SMIM19: variants seen among roughly 807,000 people sequenced by gnomAD.
SMIM19 encodes UPF0697 protein C8orf40.
SMIM19 carries 6 observed loss-of-function variants against 13.2 expected under a neutral mutation model. The ratio of observed to expected loss-of-function variants is 0.45; its 90% CI spans 0.25 to 0.90. SMIM19 has a LOEUF of 0.90. Ranked by LOEUF, SMIM19 falls within the 40% of genes least tolerant of loss-of-function variation. SMIM19 has a pLI of 0.19. For synonymous variants in SMIM19, 46 were observed against 43.1 expected (o/e 1.07, Z -0.27); for missense variants, 138 against 131.0 (o/e 1.05, Z -0.26).
In SMIM19 at chr8:42,546,626, G is replaced by A; in HGVS notation, c.134+20G>A. 1 of 1,598,324 alleles carries A rather than the reference G, an allele frequency of 6.3e-7. No homozygotes were observed. The highest frequency in any genetic ancestry group is 8.5e-7 in the Non-Finnish European group (1 of 1,175,728). On this transcript the variant is annotated intron_variant, in intron 2 of 3. Coordinates refer to ENST00000417410, the MANE Select transcript of SMIM19 (RefSeq NM_001135674.2). ...CAAAAGGTAAATTTTTGTTTCTCAG[G>A]GTAGATAAAAACTGTGCATTTACAA... is the stretch of plus-strand genomic sequence containing the variant.
At chr8:42,544,336 G>A (rs577090260) in intron 1 of SMIM19, among the ~76,000 whole-genome samples, 10 of 151,818 alleles carry the variant, frequency 6.6e-5, no homozygotes, top group Non-Finnish European at 8.8e-5. Context: ...GTGTGAACCC[G>A]GGAGGCGGAG....
At chr8:42,551,327 A>C (rs1162945210) in intron 3 of SMIM19, among the ~76,000 whole-genome samples, 1 of 151,954 alleles carries the variant, frequency 6.6e-6, no homozygotes, top group Non-Finnish European at 1.5e-5. Flanking sequence ...AAAAAAAAAA[A>C]AACTTAGAAG....
Position 42,548,685 on chromosome 8 carries a change from G to T in SMIM19, c.164G>T (p.Ser55Ile). Reference protein sequence around the residue: ...RNKRRIMRIFSVPPTEETLSE... With the variant: ...RNKRRIMRIFIVPPTEETLSE... ...AAAAGGAGAATTATGAGGATATTCA[G>T]TGTGCCACCTACAGAGGAAACTTTG... The change falls in exon 3 of 4, where the codon AGT becomes ATT. Residue 55 changes from serine (S) to isoleucine (I), a missense_variant. Coordinates refer to ENST00000417410, the MANE Select transcript of SMIM19 (RefSeq NM_001135674.2). The T allele has an allele frequency of 6.2e-7, 1 of 1,613,858 alleles. No individual in the cohort carries two copies. Among genetic ancestry groups the T allele is most frequent in the Non-Finnish European group, 8.5e-7 (1 of 1,179,908 alleles).
intron 2 of SMIM19, 149 bp downstream of exon 2, chr8:42,546,755 T>G: frequency 1.1e-6 from 1 of 904,894 alleles, no homozygotes; most frequent in Non-Finnish European, 1.6e-6. Context: ...GAGGCCGAGG[T>G]GGGCAGATCA....
At chr8:42,546,925 G>T (rs1813511031) in intron 2 of SMIM19, among the ~76,000 whole-genome samples, 1 of 51,670 alleles carries the variant, frequency 1.9e-5, no homozygotes, top group East Asian at 4.2e-4. Flanking sequence ...GGAGGTTGCA[G>T]TGGTGTACTC....
intron 1 of SMIM19, among the ~76,000 whole-genome samples, chr8:42,544,359 C>G (rs1337452153): frequency 6.6e-6 from 1 of 150,378 alleles, no homozygotes; most frequent in East Asian, 2.0e-4. Context: ...TGCAGTGAGC[C>G]GAGATCGTGC....
chr8:42,552,692 C>CT lies in SMIM19; in HGVS notation c.*85dup. ...ATCATGAACAGCTTTAAAAACATTT[C>CT]TGTCTGCATAAAATTATTTTACTTG... On this transcript the variant is annotated 3_prime_UTR_variant, in exon 4 of 4. Coordinates refer to ENST00000417410, the MANE Select transcript of SMIM19 (RefSeq NM_001135674.2). 1 of 1,437,044 alleles carries CT rather than the reference C, an allele frequency of 7.0e-7. No homozygotes were observed. The highest frequency in any genetic ancestry group is 1.2e-5 in the South Asian group (1 of 83,590). 89.0% of individuals were successfully genotyped at this position (1,437,044 alleles called of 1,614,324 possible). A position where few individuals can be genotyped will look rare whatever the true frequency, so the allele number is the denominator to read the frequency against.
chr8:42,541,411 G>T (rs1813139942), upstream of SMIM19: 1 of 147,672 alleles, frequency 6.8e-6, no homozygotes, highest in Non-Finnish European at 1.5e-5. Context: ...CCCGGGCGGG[G>T]GTCGCGGCGC....
intron 1 of SMIM19, among the ~76,000 whole-genome samples, chr8:42,543,829 C>A (rs2131486671): frequency 6.6e-6 from 1 of 152,322 alleles, no homozygotes; most frequent in East Asian, 1.9e-4. Flanking sequence ...AACTCTCAAT[C>A]CTGAAAGCTG....
chr8:42,542,898 C>T (rs181917160), intron 1 of SMIM19, among the ~76,000 whole-genome samples: 73 of 150,676 alleles, frequency 4.8e-4, no homozygotes, highest in African/African-American at 1.8e-3. Context: ...GAGAATCCCT[C>T]GATTCTGGGA....
At chr8:42,548,872 CGTAA>C in intron 3 of SMIM19, 92 bp downstream of exon 3, 1 of 1,322,486 alleles carries the variant, frequency 7.6e-7, no homozygotes, top group Non-Finnish European at 1.0e-6. Flanking sequence ...TATTAGAAAT[CGTAA>C]GTAATGAAAA....
Position 42,547,003 on chromosome 8 carries a change from T to G in SMIM19, c.134+397T>G, listed in dbSNP as rs190325242. On this transcript the variant is annotated intron_variant, in intron 2 of 3. Coordinates refer to ENST00000417410, the MANE Select transcript of SMIM19 (RefSeq NM_001135674.2). ...AAAGAAATTTCATTATAATTTTTGT[T>G]CTAGTGCTGAAAGACACTGTCTACT... Among the ~76,000 whole-genome samples, 437 of 152,048 alleles carry G rather than the reference T, an allele frequency of 2.9e-3. 1 individual carries two copies. Among genetic ancestry groups the G allele is most frequent in the Middle Eastern group, 0.027 (8 of 294 alleles).
In SMIM19 at chr8:42,553,052, C is replaced by CTTTTT. The variant is rs35145052; in HGVS notation, c.*459_*463dup. The CTTTTT allele has an allele frequency of 1.6e-5, 2 of 121,556 alleles. No individual in the cohort carries two copies. Among genetic ancestry groups the CTTTTT allele is most frequent in the Non-Finnish European group, 1.7e-5 (1 of 58,190 alleles). The allele number at this position is 121,556 out of a possible 1,614,324, so 7.5% of individuals were successfully genotyped here. ...ACAGATTAATTTGTTGTTAACAGCTCTTTTTTTTTTTTTTTTTTTGAGACA... is the reference window on the plus strand; with the variant it reads ...ACAGATTAATTTGTTGTTAACAGCTCTTTTTTTTTTTTTTTTTTTTTTTTGAGACA... On this transcript the variant is annotated 3_prime_UTR_variant, in exon 4 of 4. Transcript: ENST00000417410.
rs893776814 is a variant in SMIM19 at position 42,549,494 on chromosome 8, A to G, written c.259+714A>G. Among the ~76,000 whole-genome samples the G allele has an allele frequency of 2.0e-5, 3 of 152,194 alleles. No homozygotes were observed. The East Asian group carries it at 5.8e-4, about 29-fold the overall frequency. On this transcript the variant is annotated intron_variant, in intron 3 of 3. Transcript: ENST00000417410. ...GTACACTAAGTGAAATAAGCCAGTC[A>G]CAACAGGACAAATATTGGATTATTT...
At chr8:42,543,010 C>T (rs1311782269) in intron 1 of SMIM19, among the ~76,000 whole-genome samples, 3 of 151,398 alleles carry the variant, frequency 2.0e-5, no homozygotes, top group Non-Finnish European at 2.9e-5. Flanking sequence ...TAGTTCTCAT[C>T]CTAAAAGTTT....
chr8:42,546,428 CATTA>C (rs1813485122), intron 1 of SMIM19, 37 bp from the exon 2 acceptor site: 1 of 1,569,818 alleles, frequency 6.4e-7, no homozygotes. Flanking sequence ...GTGCTACCAT[CATTA>C]ATTAAAAGAA....
chr8:42,542,893 T>C (rs1463418570), intron 1 of SMIM19, among the ~76,000 whole-genome samples: 1 of 149,620 alleles, frequency 6.7e-6, no homozygotes, highest in East Asian at 2.0e-4. Flanking sequence ...GGCAGGAGAA[T>C]CCCTCGATTC....
In SMIM19 at chr8:42,552,570, C is replaced by G. The variant is rs975822970; in HGVS notation, c.286C>G (p.Gln96Glu). 2 of 1,614,042 alleles carry G rather than the reference C, an allele frequency of 1.2e-6. No individual in the cohort carries two copies. The highest frequency in any genetic ancestry group is 8.5e-7 in the Non-Finnish European group (1 of 1,179,984). ...AAGAAAGTACGACTATCAGCAGCCA[C>G]AAAACCAAGCTGACAGTGTGCAACT... ...ISRKYDYQQP[Q>E]NQADSVQLSL... is the part of the protein sequence containing the mutation. The change falls in exon 4 of 4, where the codon CAA (glutamine) becomes GAA (glutamate). Residue 96 changes from glutamine to glutamate, a missense_variant. Physicochemically the swap from Gln to Glu is conservative, Grantham distance 29. Transcript: ENST00000417410.
At chr8:42,545,822 G>A (rs919141853) in intron 1 of SMIM19, among the ~76,000 whole-genome samples, 9 of 152,162 alleles carry the variant, frequency 5.9e-5, no homozygotes, top group African/African-American at 1.9e-4. Flanking sequence ...GAGCCACCAC[G>A]CCCAGCAGAG....
Sources: allele counts gnomAD v4.1 joint callset (sites outside exome capture counted in the v4.1 genomes callset), GRCh38; gene constraint gnomAD v4.1.1; transcripts MANE v1.5; gene names NCBI Gene and HGNC (gene_info 2026-07-23, HGNC 2026-07-21).